PLEKHA6: variants seen among roughly 807,000 people sequenced by gnomAD.
PLEKHA6 encodes pleckstrin homology domain-containing family A member 6.
PLEKHA6 carries 60 observed loss-of-function variants against 116.7 expected under a neutral mutation model. The ratio of observed to expected loss-of-function variants is 0.51; its 90% confidence interval spans 0.42 to 0.64. The LOEUF is 0.64. PLEKHA6 is among the 30% of genes least tolerant of loss of function. PLEKHA6 has a pLI of 0.00. For missense variants in PLEKHA6, 1,338 were observed against 1,422.7 expected, an observed-to-expected ratio of 0.94 and a Z score of 0.96; for synonymous variants, 489 against 556.1, an observed-to-expected ratio of 0.88 and a Z score of 1.70.
In PLEKHA6 at chr1:204,264,941, CCTT is replaced by C; in HGVS notation, c.379_381del (p.Lys127del). 1 of 1,611,010 alleles carries C rather than the reference CCTT, an allele frequency of 6.2e-7. No individual in the cohort carries two copies. ...GCCCTGGGAAGGGAAGGCCAACTGA[CCTT>C]AAACGTGTGTTTCCGGCTGATGTTG... On this transcript the variant is annotated inframe_deletion and splice_region_variant, in exon 6 of 23. Coordinates refer to ENST00000272203, the MANE Select transcript of PLEKHA6 (RefSeq NM_014935.5).
In PLEKHA6 at chr1:204,247,441, A is replaced by G. The variant is rs984628354; in HGVS notation, c.1844T>C (p.Ile615Thr). The G allele has an allele frequency of 3.1e-6, 5 of 1,612,188 alleles. No homozygotes were observed. The highest frequency in any genetic ancestry group is 2.2e-5 in the East Asian group (1 of 44,828). ...CTCAGACTCGAGGTGCTCATACTCT[A>G]TGGTGCTGTTTGTCAGGGCCTACGG... is the stretch of plus-strand genomic sequence containing the variant. ...QATTALTNST[I>T]EYEHLESEVS... The change falls in exon 13 of 23, where the codon ATA becomes ACA. Residue 615 changes from isoleucine to threonine, a missense_variant. This residue lies in a region of PLEKHA6 where 1,136 missense variants were observed against 1,163.6 expected (regional missense o/e 0.98). Coordinates refer to ENST00000272203, the MANE Select transcript of PLEKHA6 (RefSeq NM_014935.5).
At chr1:204,318,406 G>A (rs895379287) in intron 1 of PLEKHA6, among the ~76,000 whole-genome samples, 1 of 152,234 alleles carries the variant, frequency 6.6e-6, no homozygotes, top group Non-Finnish European at 1.5e-5. Flanking sequence ...CAGCTAAGAA[G>A]TAGCAGGGCC....
upstream of PLEKHA6, among the ~76,000 whole-genome samples, chr1:204,362,427 A>C (rs1264074660): frequency 6.6e-6 from 1 of 151,906 alleles, no homozygotes; most frequent in African/African-American, 2.4e-5. Context: ...GCACCTACTC[A>C]TGGTCTCCAA....
Position 204,272,320 on chromosome 1 carries a change from T to C in PLEKHA6, c.102+1306A>G, listed in dbSNP as rs577140483. ...CTGCATCTGACTCCCTCTGTCTCCA[T>C]AGAAACGTGACTTACTGGCTGTCCT... is the stretch of plus-strand genomic sequence containing the variant. On this transcript the variant is annotated intron_variant, in intron 3 of 22. Coordinates refer to ENST00000272203, the MANE Select transcript of PLEKHA6 (RefSeq NM_014935.5). Among the ~76,000 whole-genome samples, 18 of 152,244 alleles carry C rather than the reference T, an allele frequency of 1.2e-4. No individual in the cohort carries two copies. In the East Asian group the frequency reaches 2.7e-3, roughly 23 times the overall value.
chr1:204,365,095 C>T (rs545427930), intron 3 of PLEKHA6, among the ~76,000 whole-genome samples: 2 of 151,998 alleles, frequency 1.3e-5, no homozygotes, highest in Admixed American at 1.3e-4. Context: ...GTTGAGGGAA[C>T]CACAAGTGAT....
intron 1 of PLEKHA6, 74 bp from the exon 2 acceptor site, chr1:204,274,883 C>T: frequency 3.1e-6 from 3 of 983,336 alleles, no homozygotes; most frequent in Non-Finnish European, 3.6e-6. Flanking sequence ...GTGGACAGAC[C>T]CTGGGTGGTG....
chr1:204,337,990 G>A (rs556812768), intron 1 of PLEKHA6, among the ~76,000 whole-genome samples: 1 of 152,242 alleles, frequency 6.6e-6, no homozygotes. Flanking sequence ...ATGGCTTACA[G>A]TCTTATTTCT....
At chr1:204,256,922 C>A (rs1162507416) in intron 9 of PLEKHA6, 1 of 600,388 alleles carries the variant, frequency 1.7e-6, no homozygotes, top group Non-Finnish European at 3.0e-6. Context: ...GGTGAGGGGT[C>A]TGGCTGGGAC....
At position 204,324,453 on chromosome 1, in the gene PLEKHA6, A is replaced by G. The variant is rs144755697; in HGVS notation, c.-95+35241T>C. Among the ~76,000 whole-genome samples the G allele has an allele frequency of 6.6e-3, 1,008 of 152,306 alleles. 9 individuals carry two copies. The highest frequency in any genetic ancestry group is 0.022 in the African/African-American group (925 of 41,550). ...GCAGGGCTGGGCAATAGGAAACTCC[A>G]GCTCTGGCTACTTTGCAGCCCCCAT... On this transcript the variant is annotated intron_variant, in intron 1 of 22. Coordinates refer to ENST00000272203, the MANE Select transcript of PLEKHA6 (RefSeq NM_014935.5).
intron 17 of PLEKHA6, among the ~76,000 whole-genome samples, chr1:204,231,914 A>AT (rs1661238261): frequency 1.3e-5 from 2 of 151,538 alleles, no homozygotes; most frequent in South Asian, 4.2e-4. Context: ...GTTTTTTAGT[A>AT]TTTTTCCCCT....
At chr1:204,330,783 T>C (rs75283956) in intron 1 of PLEKHA6, among the ~76,000 whole-genome samples, 1,588 of 152,302 alleles carry the variant, frequency 0.01, 25 homozygotes, top group African/African-American at 0.035. Context: ...AGCTTCATTC[T>C]GTCTTTCGAT....
At chr1:204,266,150 G>C (rs749443205) in intron 5 of PLEKHA6, among the ~76,000 whole-genome samples, 2 of 152,178 alleles carry the variant, frequency 1.3e-5, no homozygotes, top group African/African-American at 2.4e-5. Context: ...CCACAGATCA[G>C]CTTCTCTGTT....
chr1:204,362,059 G>A (rs560254086), upstream of PLEKHA6, among the ~76,000 whole-genome samples: 5 of 152,334 alleles, frequency 3.3e-5, no homozygotes, highest in Admixed American at 6.5e-5. Flanking sequence ...ATGTTTCTGG[G>A]GGATCTGAGT....
In PLEKHA6 at chr1:204,230,522, A is replaced by G. The variant is rs1661031971; in HGVS notation, c.2474T>C (p.Ile825Thr). 2.5e-6 allele frequency: 4 copies of G among 1,597,446 alleles called. No individual in the cohort carries two copies. Among genetic ancestry groups the G allele is most frequent in the Non-Finnish European group, 3.4e-6 (4 of 1,172,298 alleles). The stretch of plus-strand genomic sequence containing the variant: ...ACTCTGGTGCCGCCGCATTCGGTCA[A>G]TCTGCTCCTCCACGCTCATCTTGAC... ...GKVKMSVEEQ[I>T]DRMRRHQSGS... The change falls in exon 18 of 23, where the codon ATT becomes ACT. Residue 825 changes from isoleucine to threonine, a missense_variant. Ile to Thr is a moderately conservative substitution (Grantham distance 89). Transcript: ENST00000272203.
At chr1:204,316,926 C>T (rs1472362700) in intron 1 of PLEKHA6, among the ~76,000 whole-genome samples, 1 of 152,146 alleles carries the variant, frequency 6.6e-6, no homozygotes, top group Non-Finnish European at 1.5e-5. Context: ...ACAGATAAAG[C>T]GGCCTCCTCG....
At chr1:204,335,071 C>T (rs1445242468) in intron 1 of PLEKHA6, among the ~76,000 whole-genome samples, 1 of 152,034 alleles carries the variant, frequency 6.6e-6, no homozygotes, top group African/African-American at 2.4e-5. Flanking sequence ...CTTCCCCATC[C>T]ACACCCCATC....
intron 1 of PLEKHA6, among the ~76,000 whole-genome samples, chr1:204,352,367 T>G (rs1275607932): frequency 7.0e-6 from 1 of 143,172 alleles, no homozygotes; most frequent in African/African-American, 2.8e-5. Context: ...AGAGCGAGAC[T>G]CCGTCTCAAA....
intron 1 of PLEKHA6, among the ~76,000 whole-genome samples, chr1:204,281,875 A>G (rs1373310712): frequency 6.6e-6 from 1 of 151,616 alleles, no homozygotes; most frequent in African/African-American, 2.4e-5. Flanking sequence ...TTCCTGCTTC[A>G]CTCTGCCCAG....
intron 21 of PLEKHA6, among the ~76,000 whole-genome samples, chr1:204,224,628 A>C (rs1660080938): frequency 6.6e-6 from 1 of 152,204 alleles, no homozygotes; most frequent in African/African-American, 2.4e-5. Flanking sequence ...ATGGATGTGA[A>C]GTTTTCTGCC....
Sources: gnomAD v4.1 joint callset for allele counts (sites outside exome capture counted in the v4.1 genomes callset) on GRCh38, gnomAD v4.1.1 for gene constraint, gnomAD v4.1.1 regional missense constraint, MANE v1.5 for transcripts, NCBI Gene and HGNC (gene_info 2026-07-23, HGNC 2026-07-21) for gene names.